Variants in ARG2 observed in about 807,000 individuals in gnomAD.
ARG2 encodes the protein arginase 2, also known as arginase-2, mitochondrial.
A neutral mutation model predicts 39.4 loss-of-function variants in ARG2; 21 were observed. The ratio of observed to expected loss-of-function variants is 0.53; its 90% CI spans 0.38 to 0.77. ARG2 has a LOEUF of 0.77. Among genes scored for constraint, ARG2 ranks in the 30% least tolerant of loss-of-function variants. The pLI is 0.00. For missense variants in ARG2, 378 were observed against 426.2 expected (o/e 0.89, Z 1.00); for synonymous variants, 150 against 156.7 (o/e 0.96, Z 0.32).
chr14:67,646,722 G>A lies in ARG2; in HGVS notation c.601G>A (p.Val201Met). Residue 201 changes from valine (V) to methionine (M), a missense_variant, in exon 5 of 8, where the codon GTG becomes ATG. Coordinates refer to ENST00000261783, the MANE Select transcript of ARG2 (RefSeq NM_001172.4). Reference sequence around the variant, plus strand: ...TATTGTGTATATTGGTCTGAGAGACGTGGACCCTCCTGAACAGTAAGTTGA... The same window carrying A: ...TATTGTGTATATTGGTCTGAGAGACATGGACCCTCCTGAACAGTAAGTTGA... ...ASIVYIGLRD[V>M]DPPEHFILKN... 6.2e-7 allele frequency: 1 copy of A among 1,612,746 alleles called. No individual in the cohort carries two copies.
At chr14:67,631,254 G>T (rs1307945631) in intron 2 of ARG2, among the ~76,000 whole-genome samples, 2 of 152,078 alleles carry the variant, frequency 1.3e-5, no homozygotes, top group Non-Finnish European at 2.9e-5. Context: ...TGGCTTCGTA[G>T]GCCATCATTG....
chr14:67,649,380 C>A (rs2037143044), intron 7 of ARG2: 1 of 152,038 alleles, frequency 6.6e-6, no homozygotes, highest in Admixed American at 6.6e-5. Context: ...AGCCAGGTGT[C>A]CCAACTACTT....
chr14:67,642,087 T>C (rs2037037855), intron 2 of ARG2, 99 bp from the exon 3 acceptor site: 1 of 1,144,144 alleles, frequency 8.7e-7, no homozygotes, highest in Non-Finnish European at 1.3e-6. Flanking sequence ...AAAATGATTA[T>C]GATGTGTACT....
rs1566807011 is a variant in ARG2 at position 67,648,157 on chromosome 14, A to G, written c.833A>G (p.Tyr278Cys). 3.7e-6 allele frequency: 6 copies of G among 1,614,018 alleles called. No individual in the cohort carries two copies. The highest frequency in any genetic ancestry group is 4.5e-5 in the East Asian group (2 of 44,878). The change falls in exon 7 of 8, where the codon TAT (tyrosine) becomes TGT (cysteine). Residue 278 changes from tyrosine (Y) to cysteine (C), a missense_variant. Physicochemically the swap from Tyr to Cys is radical, Grantham distance 194. Transcript: ENST00000261783. ...GGACTAACCTATCGAGAAGGCATGTATATTGCTGAGGAAATACACAATACA... is the reference window on the plus strand; with the variant it reads ...GGACTAACCTATCGAGAAGGCATGTGTATTGCTGAGGAAATACACAATACA... Reference protein sequence around the residue: ...VGGLTYREGMYIAEEIHNTGL... With the variant: ...VGGLTYREGMCIAEEIHNTGL...
At chr14:67,648,249 CA>C in intron 7 of ARG2, 66 bp downstream of exon 7, 2 of 1,518,694 alleles carry the variant, frequency 1.3e-6, no homozygotes, top group East Asian at 2.3e-5. Context: ...CTCTTGCCTG[CA>C]AAGGATCTTT....
Position 67,619,944 on chromosome 14 carries a change from G to C in ARG2, c.-34G>C, listed in dbSNP as rs746128832. The C allele has an allele frequency of 1.4e-5, 21 of 1,450,250 alleles. No homozygotes were observed. Among genetic ancestry groups the C allele is most frequent in the Non-Finnish European group, 1.9e-5 (20 of 1,075,688 alleles). 89.8% of individuals were successfully genotyped at this position (1,450,250 alleles called of 1,614,324 possible). ...CACTCCCGGCTTCCAACCGCGCGGA[G>C]CCTCTGCCTTGGAGATTCTCAGTGC... On this transcript the variant is annotated 5_prime_UTR_variant, in exon 1 of 8. Transcript: ENST00000261783.
Position 67,643,571 on chromosome 14 carries a change from C to T in ARG2, c.362+1208C>T, listed in dbSNP as rs150788715. ...GGGCACAGTGGTGCATGCCTGCAGGCCCAGCTACTCAGGAGGCCAAGGTGG... is the reference window on the plus strand; with the variant it reads ...GGGCACAGTGGTGCATGCCTGCAGGTCCAGCTACTCAGGAGGCCAAGGTGG... On this transcript the variant is annotated intron_variant, in intron 3 of 7. Transcript: ENST00000261783. 4.8e-3 allele frequency among the ~76,000 whole-genome samples: 725 copies of T among 152,292 alleles called. 6 individuals carry two copies. Among genetic ancestry groups the T allele is most frequent in the Middle Eastern group, 0.017 (5 of 294 alleles).
At chr14:67,622,382 G>A (rs926694029) in intron 2 of ARG2, among the ~76,000 whole-genome samples, 6 of 152,176 alleles carry the variant, frequency 3.9e-5, no homozygotes, top group Admixed American at 3.3e-4. Context: ...CACTGAAACA[G>A]CCTTGAGTTG....
intron 2 of ARG2, among the ~76,000 whole-genome samples, chr14:67,630,855 T>C (rs1439940868): frequency 6.6e-6 from 1 of 152,216 alleles, no homozygotes; most frequent in African/African-American, 2.4e-5. Flanking sequence ...AGTGCTGGGA[T>C]TACAGGTGTG....
intron 1 of ARG2, 111 bp from the exon 2 acceptor site, chr14:67,620,783 G>T: frequency 3.0e-6 from 3 of 986,332 alleles, no homozygotes; most frequent in Non-Finnish European, 4.8e-6. Context: ...TGATGGAAGG[G>T]CTGATGCTGT....
intron 7 of ARG2, chr14:67,650,174 A>G: frequency 6.2e-6 from 1 of 160,396 alleles, no homozygotes; most frequent in South Asian, 1.8e-4. Flanking sequence ...TCAGGCCTGC[A>G]GGGGTGAGAA....
At chr14:67,632,353 C>A (rs1335656167) in intron 2 of ARG2, among the ~76,000 whole-genome samples, 2 of 152,232 alleles carry the variant, frequency 1.3e-5, no homozygotes, top group Non-Finnish European at 1.5e-5. Context: ...AGCATCATCA[C>A]CAATACGTGG....
In ARG2 at chr14:67,645,726, A is replaced by T. The variant is rs1566805267; in HGVS notation, c.446A>T (p.Asn149Ile). The T allele has an allele frequency of 8.1e-6, 13 of 1,614,054 alleles. No homozygotes were observed. The highest frequency in any genetic ancestry group is 1.1e-5 in the Non-Finnish European group (13 of 1,179,950). The change falls in exon 4 of 8, where the codon AAC (asparagine) becomes ATC (isoleucine). Residue 149 changes from asparagine (N) to isoleucine (I), a missense_variant. By Grantham distance (149) the Asn-to-Ile change is moderately radical. Transcript: ENST00000261783. The stretch of plus-strand genomic sequence containing the variant: ...TGGGTTGATGCCCATGCTGACATCA[A>T]CACACCCCTTACCACTTCATCAGGA... ...VVWVDAHADINTPLTTSSGNL... is the reference protein window; with the variant it reads ...VVWVDAHADIITPLTTSSGNL...
chr14:67,635,880 A>G (rs1308211449), intron 2 of ARG2, among the ~76,000 whole-genome samples: 1 of 152,122 alleles, frequency 6.6e-6, no homozygotes, highest in Non-Finnish European at 1.5e-5. Flanking sequence ...TTTTAAATTA[A>G]TTTCCAAGAA....
intron 2 of ARG2, among the ~76,000 whole-genome samples, chr14:67,625,943 T>C (rs1194530049): frequency 1.3e-5 from 2 of 152,064 alleles, no homozygotes; most frequent in Non-Finnish European, 2.9e-5. Flanking sequence ...ACATTAGTCA[T>C]TACGGAAATG....
chr14:67,637,059 G>T (rs1433673721), intron 2 of ARG2, among the ~76,000 whole-genome samples: 1 of 152,110 alleles, frequency 6.6e-6, no homozygotes, highest in East Asian at 1.9e-4. Context: ...AAAAATTAGT[G>T]AGACCGTTTC....
At chr14:67,627,254 G>GATAT (rs1491381640) in intron 2 of ARG2, among the ~76,000 whole-genome samples, 3 of 46,788 alleles carry the variant, frequency 6.4e-5, no homozygotes, top group South Asian at 9.5e-4. Context: ...GATCAGTAAG[G>GATAT]AGATATATAT....
At chr14:67,645,952 C>A in intron 4 of ARG2, 150 bp downstream of exon 4, 1 of 909,682 alleles carries the variant, frequency 1.1e-6, no homozygotes, top group Non-Finnish European at 1.6e-6. Flanking sequence ...AGGCAGTCTG[C>A]CAGATGCTAG....
intron 4 of ARG2, 116 bp downstream of exon 4, chr14:67,645,918 AT>A: frequency 8.4e-7 from 1 of 1,188,814 alleles, no homozygotes; most frequent in Non-Finnish European, 1.2e-6. Context: ...CCACTCCTTC[AT>A]TTGTTCATCA....
Sources: gnomAD v4.1 joint callset for allele counts (sites outside exome capture counted in the v4.1 genomes callset) on GRCh38, gnomAD v4.1.1 for gene constraint, MANE v1.5 for transcripts, NCBI Gene and HGNC (gene_info 2026-07-23, HGNC 2026-07-21) for gene names.